RAP1B: variants seen among roughly 807,000 people sequenced by gnomAD.
RAP1B encodes the protein RAP1B, member of RAS oncogene family, also known as ras-related protein Rap-1b.
A neutral mutation model predicts 27.5 loss-of-function variants in RAP1B; 1 was observed. The ratio of observed to expected loss-of-function variants is 0.04; its 90% confidence interval spans 0.01 to 0.17. The LOEUF is 0.17. Ranked by LOEUF, RAP1B falls within the 10% of genes least tolerant of loss-of-function variation. RAP1B has a pLI of 1.00. For missense variants in RAP1B, 84 were observed against 214.8 expected, an observed-to-expected ratio of 0.39 and a Z score of 3.81; for synonymous variants, 75 against 73.1, an observed-to-expected ratio of 1.03 and a Z score of -0.13.
chr12:68,662,049 T>C lies in RAP1B; in HGVS notation c.*2800T>C, dbSNP rs1010506840. On this transcript the variant is annotated 3_prime_UTR_variant, in exon 8 of 8. Transcript: ENST00000250559. ...ATATATATATTATATATAGTACATATATAGAGAGAGTATATATATATATGT... is the reference window on the plus strand; with the variant it reads ...ATATATATATTATATATAGTACATACATAGAGAGAGTATATATATATATGT... 1 of 146,408 alleles carries C rather than the reference T, an allele frequency of 6.8e-6. No individual in the cohort carries two copies. Among genetic ancestry groups the C allele is most frequent in the Non-Finnish European group, 1.5e-5 (1 of 66,672 alleles). The allele number at this position is 146,408 out of a possible 1,614,324, so 9.1% of individuals were successfully genotyped here. A position where few individuals can be genotyped will look rare whatever the true frequency, so the allele number is the denominator to read the frequency against.
At chr12:68,632,340 G>A (rs1250417980) in intron 1 of RAP1B, among the ~76,000 whole-genome samples, 3 of 151,800 alleles carry the variant, frequency 2.0e-5, no homozygotes, top group Non-Finnish European at 2.9e-5. Flanking sequence ...TGCCATGTTG[G>A]CCAGGCTGGT....
chr12:68,631,623 G>A (rs1872243882), intron 1 of RAP1B, among the ~76,000 whole-genome samples: 1 of 152,040 alleles, frequency 6.6e-6, no homozygotes, highest in African/African-American at 2.4e-5. Flanking sequence ...TCTAATTAAT[G>A]TTCCCATGTT....
intron 1 of RAP1B, among the ~76,000 whole-genome samples, chr12:68,623,334 AAAG>A (rs1469496658): frequency 6.6e-6 from 1 of 152,170 alleles, no homozygotes; most frequent in Non-Finnish European, 1.5e-5. Context: ...TCTGCATATT[AAAG>A]GAGTTTTAGA....
intron 1 of RAP1B, chr12:68,625,023 G>T (rs1871650429): frequency 6.6e-6 from 1 of 152,120 alleles, no homozygotes; most frequent in South Asian, 2.1e-4. Context: ...CCATTTGTTT[G>T]GTGTATATAC....
At chr12:68,631,579 C>T (rs761027964) in intron 1 of RAP1B, among the ~76,000 whole-genome samples, 1 of 152,146 alleles carries the variant, frequency 6.6e-6, no homozygotes, top group Non-Finnish European at 1.5e-5. Context: ...CCTTTGTGCC[C>T]TGTGAGCCAG....
chr12:68,656,498 G>A (rs761943838), intron 6 of RAP1B, 49 bp downstream of exon 6: 1 of 1,543,332 alleles, frequency 6.5e-7, no homozygotes, highest in Non-Finnish European at 9.0e-7. Context: ...GTACAACATT[G>A]AAGATGAATG....
At chr12:68,655,372 T>C (rs1321373469) in intron 5 of RAP1B, among the ~76,000 whole-genome samples, 5 of 151,980 alleles carry the variant, frequency 3.3e-5, no homozygotes, top group African/African-American at 1.2e-4. Context: ...TTAGCAAATA[T>C]TGTGAGAGCT....
chr12:68,653,081 C>T (rs1592465483), intron 4 of RAP1B, among the ~76,000 whole-genome samples: 1 of 151,952 alleles, frequency 6.6e-6, no homozygotes, highest in African/African-American at 2.4e-5. Flanking sequence ...CAGTGGCAGG[C>T]ACCTGTAGTC....
chr12:68,640,032 G>C (rs1395396697), intron 1 of RAP1B, among the ~76,000 whole-genome samples: 3 of 151,812 alleles, frequency 2.0e-5, no homozygotes, highest in Non-Finnish European at 2.9e-5. Flanking sequence ...GTAGAGATGG[G>C]GTTTCACCAT....
At chr12:68,643,081 C>G (rs575706056) in intron 1 of RAP1B, 17 of 647,142 alleles carry the variant, frequency 2.6e-5, no homozygotes, top group Non-Finnish European at 4.1e-5. Context: ...AAATTTCTTT[C>G]AGAGTTTTTC....
At chr12:68,627,573 CTTTTG>C (rs1871897449) in intron 1 of RAP1B, among the ~76,000 whole-genome samples, 1 of 152,154 alleles carries the variant, frequency 6.6e-6, no homozygotes, top group Admixed American at 6.5e-5. Context: ...CCCAGCGTGA[CTTTTG>C]TTTTACCCAC....
rs142507983 is a variant in RAP1B, at chr12:68,620,055, A to C, written c.-27+9012A>C. Among the ~76,000 whole-genome samples the C allele has an allele frequency of 2.0e-5, 3 of 152,118 alleles. No homozygotes were observed. In the East Asian group the frequency reaches 5.8e-4, roughly 29 times the overall value. ...TTTCCATAGTAAAGCTGTAAGTTTC[A>C]AGTTTAGTAATGTCTTTTTGACCTG... On this transcript the variant is annotated intron_variant, in intron 1 of 7. Coordinates refer to ENST00000250559, the MANE Select transcript of RAP1B (RefSeq NM_001010942.3).
intron 1 of RAP1B, among the ~76,000 whole-genome samples, chr12:68,613,719 A>AG (rs1365028616): frequency 1.3e-5 from 2 of 152,386 alleles, no homozygotes; most frequent in Middle Eastern, 3.4e-3. Context: ...GGCACAGTGT[A>AG]GCGCGTTGCC....
In RAP1B at chr12:68,626,916, A is replaced by G. The variant is rs182484710; in HGVS notation, c.-27+15873A>G. 82 of 1,563,748 alleles carry G rather than the reference A, an allele frequency of 5.2e-5. No individual in the cohort carries two copies. The African/African-American group carries it at 1.0e-3, about 20-fold the overall frequency. Reference sequence around the variant, plus strand: ...CTTGTCCACAGGGCCACGATTGGAAATGTACTTGACCCGACAGCCATCTGG... The same window carrying G: ...CTTGTCCACAGGGCCACGATTGGAAGTGTACTTGACCCGACAGCCATCTGG... On this transcript the variant is annotated intron_variant, in intron 1 of 7. Transcript: ENST00000250559.
intron 1 of RAP1B, among the ~76,000 whole-genome samples, chr12:68,643,589 A>T (rs956249296): frequency 1.3e-5 from 2 of 152,188 alleles, no homozygotes; most frequent in Non-Finnish European, 2.9e-5. Context: ...TGATTCTTTT[A>T]TGCTTACCTG....
intron 5 of RAP1B, among the ~76,000 whole-genome samples, chr12:68,654,719 C>T (rs527637060): frequency 2.6e-5 from 4 of 152,094 alleles, no homozygotes; most frequent in Admixed American, 1.3e-4. Flanking sequence ...CCTTGTGATC[C>T]GCCTGCCTCA....
At chr12:68,626,638 T>A (rs368008589) in intron 1 of RAP1B, among the ~76,000 whole-genome samples, 9 of 152,230 alleles carry the variant, frequency 5.9e-5, no homozygotes, top group African/African-American at 2.2e-4. Context: ...GACACCCTTT[T>A]CTGTATTAAA....
rs58656248 is a variant in RAP1B, at chr12:68,637,599, CAAAAAAAAAAA to C, written c.-26-11081_-26-11071del. Among the ~76,000 whole-genome samples, 31 of 34,258 alleles carry C rather than the reference CAAAAAAAAAAA, an allele frequency of 9.0e-4. 1 individual carries two copies. The South Asian group carries it at 0.01, about 11-fold the overall frequency. 22.5% of individuals were successfully genotyped at this position (34,258 alleles called of 152,430 possible). On this transcript the variant is annotated intron_variant, in intron 1 of 7. Coordinates refer to ENST00000250559, the MANE Select transcript of RAP1B (RefSeq NM_001010942.3). The stretch of plus-strand genomic sequence containing the variant: ...GGGTGACAAGAGTAAAACTCCATCT[CAAAAAAAAAAA>C]AAAAAAAAAAAAAAAAAACAAGATG...
rs552525685 is a variant in RAP1B, at chr12:68,625,875, T to C, written c.-27+14832T>C. Among the ~76,000 whole-genome samples the C allele has an allele frequency of 1.2e-4, 18 of 151,562 alleles. 2 individuals are homozygous for C. The South Asian group carries it at 3.5e-3, about 30-fold the overall frequency. On this transcript the variant is annotated intron_variant, in intron 1 of 7. Coordinates refer to ENST00000250559, the MANE Select transcript of RAP1B (RefSeq NM_001010942.3). Reference sequence around the variant, plus strand: ...AGGCAGATGTTGCAGTGAGCCAAGATCGTGCCGCTGCACTCCAGTCTGGCG... The same window carrying C: ...AGGCAGATGTTGCAGTGAGCCAAGACCGTGCCGCTGCACTCCAGTCTGGCG...
Sources: gnomAD v4.1 joint callset for allele counts (sites outside exome capture counted in the v4.1 genomes callset) on GRCh38, gnomAD v4.1.1 for gene constraint, MANE v1.5 for transcripts, NCBI Gene and HGNC (gene_info 2026-07-23, HGNC 2026-07-21) for gene names.